Variants in UTRN observed in about 807,000 individuals in gnomAD.
The protein encoded by UTRN is dystrophin-related protein 1.
A neutral mutation model predicts 463.9 loss-of-function variants in UTRN; 283 were observed. The observed-to-expected ratio is 0.61, with a 90% CI of 0.55 to 0.67. The LOEUF (loss-of-function observed/expected upper bound fraction) is 0.67. Ranked by LOEUF, UTRN falls within the 30% of genes least tolerant of loss-of-function variation. UTRN has a pLI of 0.00. For missense variants in UTRN, 3,922 were observed against 4,084.3 expected, an observed-to-expected ratio of 0.96 and a Z score of 1.08; for synonymous variants, 1,442 against 1,431.5, an observed-to-expected ratio of 1.01 and a Z score of -0.17.
At chr6:144,836,218 G>C in intron 70 of UTRN, 83 bp from the exon 71 acceptor site, 1 of 1,587,190 alleles carries the variant, frequency 6.3e-7, no homozygotes, top group Non-Finnish European at 8.6e-7. Context: ...ACTAGCATGA[G>C]CTAAATTTGA....
At chr6:144,339,362 T>C (rs1776962478) in intron 2 of UTRN, among the ~76,000 whole-genome samples, 1 of 152,166 alleles carries the variant, frequency 6.6e-6, no homozygotes, top group Non-Finnish European at 1.5e-5. Flanking sequence ...AAGTATTGCT[T>C]GTATGTGATC....
At chr6:144,600,532 CA>C (rs1445841084) in intron 51 of UTRN, among the ~76,000 whole-genome samples, 8 of 152,320 alleles carry the variant, frequency 5.3e-5, no homozygotes, top group African/African-American at 1.9e-4. Context: ...TAATCCAGAG[CA>C]ATGCCCTAAC....
rs80283628 is a variant in UTRN at position 144,592,269 on chromosome 6, T to G, written c.7479+14981T>G. ...CTCATGATAAATAATTCTATGATCC[T>G]TATACATCATTAAGTGCATCCTGAT... On this transcript the variant is annotated intron_variant, in intron 51 of 74. Transcript: ENST00000367545. Among the ~76,000 whole-genome samples, 390 of 152,334 alleles carry G rather than the reference T, an allele frequency of 2.6e-3. 12 individuals carry two copies. The East Asian group carries it at 0.058, about 23-fold the overall frequency.
chr6:144,845,145 T>C (rs1781910302), intron 73 of UTRN, among the ~76,000 whole-genome samples: 1 of 152,228 alleles, frequency 6.6e-6, no homozygotes, highest in Admixed American at 6.5e-5. Context: ...TAAAATTATT[T>C]ATGTTGAGTC....
intron 3 of UTRN, among the ~76,000 whole-genome samples, chr6:144,419,801 G>A (rs1482612088): frequency 6.6e-6 from 1 of 152,142 alleles, no homozygotes; most frequent in African/African-American, 2.4e-5. Flanking sequence ...TATAGCACTG[G>A]CACACTTTTC....
At chr6:144,296,986 A>C (rs1804775951) in intron 2 of UTRN, among the ~76,000 whole-genome samples, 1 of 152,214 alleles carries the variant, frequency 6.6e-6, no homozygotes, top group South Asian at 2.1e-4. Context: ...GAGGACAAAC[A>C]GTCCTTTGGG....
At chr6:144,741,033 A>G (rs1292492267) in intron 54 of UTRN, among the ~76,000 whole-genome samples, 2 of 152,216 alleles carry the variant, frequency 1.3e-5, no homozygotes, top group Non-Finnish European at 2.9e-5. Context: ...AGACTCTTTG[A>G]GCGTGGTATA....
At chr6:144,546,819 C>A (rs1449020194) in intron 46 of UTRN, among the ~76,000 whole-genome samples, 12 of 132,740 alleles carry the variant, frequency 9.0e-5, no homozygotes, top group African/African-American at 4.5e-4. Context: ...AAAGAAAAAA[C>A]AAACAAACAA....
At chr6:144,292,837 G>T (rs79054220) in intron 2 of UTRN, among the ~76,000 whole-genome samples, 2 of 152,172 alleles carry the variant, frequency 1.3e-5, no homozygotes. Context: ...CCATCTTTAT[G>T]TTCTGTTAGG....
chr6:144,806,992 G>A (rs9403612), intron 65 of UTRN, among the ~76,000 whole-genome samples: 5,382 of 152,034 alleles, frequency 0.035, 219 homozygotes, highest in East Asian at 0.13. Context: ...TCCTAAAGTC[G>A]TTTCATGTCT....
At chr6:144,328,824 C>A (rs1268422348) in intron 2 of UTRN, among the ~76,000 whole-genome samples, 2 of 151,958 alleles carry the variant, frequency 1.3e-5, no homozygotes, top group Non-Finnish European at 2.9e-5. Flanking sequence ...CACTCTGTTG[C>A]CCAGCCTGGA....
At chr6:144,519,465 T>C (rs553185271) in intron 39 of UTRN, among the ~76,000 whole-genome samples, 2 of 152,348 alleles carry the variant, frequency 1.3e-5, no homozygotes, top group South Asian at 4.1e-4. Context: ...TGATGTGAGC[T>C]ACGTCATGTA....
chr6:144,766,310 A>AT (rs1793337330), intron 58 of UTRN, among the ~76,000 whole-genome samples: 1 of 151,894 alleles, frequency 6.6e-6, no homozygotes, highest in Admixed American at 6.5e-5. Flanking sequence ...AAATGTTGTC[A>AT]TATCAGATTG....
chr6:144,466,256 T>C (rs977973860), intron 23 of UTRN, among the ~76,000 whole-genome samples: 1 of 152,190 alleles, frequency 6.6e-6, no homozygotes, highest in African/African-American at 2.4e-5. Flanking sequence ...ACTTTGAAAG[T>C]GTTTTCATGG....
Position 144,717,627 on chromosome 6 carries a change from CTT to C in UTRN, c.7810-12725_7810-12724del, listed in dbSNP as rs1333769413. Among the ~76,000 whole-genome samples the C allele has an allele frequency of 3.0e-3, 336 of 112,612 alleles. 1 individual carries two copies. The highest frequency in any genetic ancestry group is 0.013 in the African/African-American group (305 of 22,950). 73.9% of individuals were successfully genotyped at this position (112,612 alleles called of 152,430 possible). A position where few individuals can be genotyped will look rare whatever the true frequency, so the allele number is the denominator to read the frequency against. ...ATTTTTTTCTTTTTCTTTTTCTTTTCTTTTTTCTTTTTTTTTTTTTTTTTTTG... is the reference window on the plus strand; with the variant it reads ...ATTTTTTTCTTTTTCTTTTTCTTTTCTTTTCTTTTTTTTTTTTTTTTTTTG... On this transcript the variant is annotated intron_variant, in intron 53 of 74. Coordinates refer to ENST00000367545, the MANE Select transcript of UTRN (RefSeq NM_007124.3).
chr6:144,419,236 GC>G (rs1160873976), intron 3 of UTRN, among the ~76,000 whole-genome samples: 12 of 152,208 alleles, frequency 7.9e-5, no homozygotes, highest in Admixed American at 2.0e-4. Flanking sequence ...CTGAAGTTCT[GC>G]CTCTGGAAAG....
At chr6:144,784,403 C>T (rs1179247400) in intron 61 of UTRN, among the ~76,000 whole-genome samples, 8 of 152,162 alleles carry the variant, frequency 5.3e-5, no homozygotes, top group East Asian at 1.9e-4. Context: ...TGCAGATGAT[C>T]GTCTTCTCCC....
intron 41 of UTRN, 31 bp downstream of exon 41, chr6:144,523,219 A>G (rs771877119): frequency 2.0e-6 from 3 of 1,475,186 alleles, no homozygotes; most frequent in Non-Finnish European, 1.8e-6. Flanking sequence ...TATTTAATTT[A>G]AAAAAATGCC....
intron 52 of UTRN, among the ~76,000 whole-genome samples, chr6:144,693,517 C>G (rs995281563): frequency 6.6e-6 from 1 of 152,188 alleles, no homozygotes; most frequent in Non-Finnish European, 1.5e-5. Flanking sequence ...TCCCTCCTAT[C>G]CACGAGCATG....
Sources: allele counts gnomAD v4.1 joint callset (sites outside exome capture counted in the v4.1 genomes callset), GRCh38; gene constraint gnomAD v4.1.1; transcripts MANE v1.5; gene names NCBI Gene and HGNC (gene_info 2026-07-23, HGNC 2026-07-21).